Variants in SNCAIP observed in about 807,000 individuals in gnomAD.
SNCAIP encodes synphilin-1.
SNCAIP carries 43 observed loss-of-function variants against 86.7 expected under a neutral mutation model. The observed-to-expected ratio is 0.50, with a 90% confidence interval of 0.39 to 0.64. SNCAIP has a LOEUF of 0.64. Among genes scored for constraint, SNCAIP ranks in the 30% least tolerant of loss-of-function variants. The probability of loss-of-function intolerance (pLI) is 0.00; values close to 1 mark genes in which losing one functional copy is unlikely to be tolerated. For synonymous variants in SNCAIP, 417 were observed against 427.2 expected, an observed-to-expected ratio of 0.98 and a Z score of 0.29; for missense variants, 981 against 1,103.1, an observed-to-expected ratio of 0.89 and a Z score of 1.57.
intron 6 of SNCAIP, chr5:122,440,425 T>G (rs916132817): frequency 1.7e-6 from 1 of 575,082 alleles, no homozygotes; most frequent in Non-Finnish European, 3.1e-6. Flanking sequence ...TTCCTGCTCT[T>G]AAAATTCTCT....
chr5:122,318,050 A>G (rs1444345441), intron 1 of SNCAIP, among the ~76,000 whole-genome samples: 4 of 152,060 alleles, frequency 2.6e-5, no homozygotes, highest in African/African-American at 9.7e-5. Context: ...ACCTTGTCAT[A>G]GTCCTGGAGA....
chr5:122,343,242 G>C (rs1055475256), intron 1 of SNCAIP, among the ~76,000 whole-genome samples: 1 of 152,104 alleles, frequency 6.6e-6, no homozygotes. Flanking sequence ...ATATTTGCTC[G>C]TGGAGCTGAA....
intron 3 of SNCAIP, among the ~76,000 whole-genome samples, chr5:122,406,220 C>G (rs1008628744): frequency 2.0e-5 from 3 of 152,204 alleles, no homozygotes; most frequent in Non-Finnish European, 4.4e-5. Flanking sequence ...AGAATTGAGG[C>G]ATTCTCAATC....
intron 1 of SNCAIP, among the ~76,000 whole-genome samples, chr5:122,328,681 A>G (rs1191256673): frequency 6.6e-6 from 1 of 152,176 alleles, no homozygotes; most frequent in Non-Finnish European, 1.5e-5. Context: ...TAACACATTG[A>G]TCTTTCTCAA....
chr5:122,438,246 T>C (rs565135610), intron 6 of SNCAIP, among the ~76,000 whole-genome samples: 1 of 152,330 alleles, frequency 6.6e-6, no homozygotes, highest in Admixed American at 6.5e-5. Context: ...CCTGTGGAGT[T>C]TGCTCATTCT....
chr5:122,345,801 C>T (rs1758509364), intron 1 of SNCAIP, among the ~76,000 whole-genome samples: 1 of 151,114 alleles, frequency 6.6e-6, no homozygotes, highest in African/African-American at 2.5e-5. Context: ...CCTAGGACTA[C>T]AGATGTGTGC....
Position 122,314,619 on chromosome 5 carries a change from G to A in SNCAIP, c.-47+2335G>A, listed in dbSNP as rs143041174. On this transcript the variant is annotated intron_variant, in intron 1 of 10. Transcript: ENST00000261368. The stretch of plus-strand genomic sequence containing the variant: ...ATTTGATTTATATGCAGATTCACTT[G>A]CAGGAAGTTATTTATGGAAAATGAA... Among the ~76,000 whole-genome samples, 6 of 152,268 alleles carry A rather than the reference G, an allele frequency of 3.9e-5. No individual in the cohort carries two copies. The East Asian group carries it at 1.2e-3, about 29-fold the overall frequency.
chr5:122,448,632 ATT>A (rs1491143792), intron 8 of SNCAIP, among the ~76,000 whole-genome samples: 5 of 138,232 alleles, frequency 3.6e-5, no homozygotes, highest in Admixed American at 7.8e-5. Context: ...TATAATATAT[ATT>A]ATATGTTATA....
intron 6 of SNCAIP, among the ~76,000 whole-genome samples, chr5:122,438,739 C>G (rs1024409769): frequency 4.6e-5 from 7 of 152,194 alleles, no homozygotes; most frequent in African/African-American, 1.7e-4. Flanking sequence ...TGTCCGCTCC[C>G]TCAGTTTTCT....
chr5:122,357,835 GGCTA>G (rs1348591400), intron 1 of SNCAIP, among the ~76,000 whole-genome samples: 2 of 151,936 alleles, frequency 1.3e-5, no homozygotes, highest in Non-Finnish European at 2.9e-5. Context: ...AGCCACATGT[GGCTA>G]CTTGCTACCA....
intron 1 of SNCAIP, among the ~76,000 whole-genome samples, chr5:122,382,759 A>G (rs1767140012): frequency 6.6e-6 from 1 of 152,042 alleles, no homozygotes; most frequent in African/African-American, 2.4e-5. Context: ...TTTCCTTCTA[A>G]CAGACAGGAC....
intron 1 of SNCAIP, among the ~76,000 whole-genome samples, chr5:122,336,174 AAGAGAGAG>A (rs754249500): frequency 6.7e-6 from 1 of 149,284 alleles, no homozygotes; most frequent in Non-Finnish European, 1.5e-5. Flanking sequence ...ACTGGTTATC[AAGAGAGAG>A]AGAGAGAGAA....
In SNCAIP at chr5:122,352,342, A is replaced by G. The variant is rs748726356; in HGVS notation, c.-46-38747A>G. 3.2e-4 allele frequency among the ~76,000 whole-genome samples: 49 copies of G among 152,156 alleles called. 1 individual carries two copies. Among genetic ancestry groups the G allele is most frequent in the Non-Finnish European group, 4.3e-4 (29 of 68,010 alleles). On this transcript the variant is annotated intron_variant, in intron 1 of 10. Transcript: ENST00000261368. ...CCATAGGTTTGACAGCTTTTCTTATATTATTAGAGTTTCTATTGGGCTCTC... is the reference window on the plus strand; with the variant it reads ...CCATAGGTTTGACAGCTTTTCTTATGTTATTAGAGTTTCTATTGGGCTCTC...
chr5:122,457,044 C>G (rs1784922712), intron 10 of SNCAIP, among the ~76,000 whole-genome samples: 1 of 152,174 alleles, frequency 6.6e-6, no homozygotes. Flanking sequence ...CTCTGTCACC[C>G]AGGCTGGAGT....
chr5:122,443,588 AG>A (rs1297955857), intron 7 of SNCAIP: 1 of 456,990 alleles, frequency 2.2e-6, no homozygotes, highest in African/African-American at 2.0e-5. Flanking sequence ...TCAAGATTCA[AG>A]GGACTTGGAA....
At chr5:122,415,241 G>A (rs192812795) in intron 3 of SNCAIP, among the ~76,000 whole-genome samples, 88 of 152,300 alleles carry the variant, frequency 5.8e-4, no homozygotes, top group Non-Finnish European at 1.1e-3. Context: ...TGAGAGTTCA[G>A]GCCATGGTAG....
intron 1 of SNCAIP, among the ~76,000 whole-genome samples, chr5:122,314,717 A>G (rs1751341884): frequency 1.3e-5 from 2 of 152,228 alleles, no homozygotes; most frequent in South Asian, 4.1e-4. Context: ...AACTAGATTT[A>G]TATTTTATGG....
At chr5:122,430,116 G>A (rs890624305) in intron 5 of SNCAIP, among the ~76,000 whole-genome samples, 3 of 152,162 alleles carry the variant, frequency 2.0e-5, no homozygotes, top group Admixed American at 6.6e-5. Context: ...AATGAAGAAT[G>A]AGCAGATTAC....
intron 8 of SNCAIP, among the ~76,000 whole-genome samples, chr5:122,446,003 A>G (rs1008190531): frequency 1.3e-5 from 2 of 152,126 alleles, no homozygotes; most frequent in African/African-American, 4.8e-5. Flanking sequence ...AAACTTGAAA[A>G]AAAGGGGTTA....
Sources: gnomAD v4.1 joint callset for allele counts (sites outside exome capture counted in the v4.1 genomes callset) on GRCh38, gnomAD v4.1.1 for gene constraint, MANE v1.5 for transcripts, NCBI Gene and HGNC (gene_info 2026-07-23, HGNC 2026-07-21) for gene names.